Variants in SMIM36 observed in about 807,000 individuals in gnomAD.
SMIM36 encodes small integral membrane protein 36.
chr17:55,495,302 T>C (rs549684177), intron 1 of SMIM36, among the ~76,000 whole-genome samples: 1 of 152,178 alleles, frequency 6.6e-6, no homozygotes, highest in Non-Finnish European at 1.5e-5. Context: ...TTCACAAACT[T>C]GGGTAATTTA....
At chr17:55,531,037 G>A in the SMIM36 span, among the ~76,000 whole-genome samples, 4 of 151,880 alleles carry the variant, frequency 2.6e-5, no homozygotes, top group East Asian at 1.9e-4. Flanking sequence ...TAGATTTTGC[G>A]GACTTTCAGA....
intron 1 of SMIM36, among the ~76,000 whole-genome samples, chr17:55,502,965 A>G (rs1910019397): frequency 6.6e-6 from 1 of 151,420 alleles, no homozygotes; most frequent in South Asian, 2.1e-4. Context: ...ACTGGAAGAA[A>G]GGGTGTCAGC....
chr17:55,483,045 T>G (rs1356731307), intron 1 of SMIM36, among the ~76,000 whole-genome samples: 1 of 152,256 alleles, frequency 6.6e-6, no homozygotes, highest in East Asian at 1.9e-4. Context: ...GGCTGTCAAA[T>G]GGCAGGCCAA....
chr17:55,501,366 T>G (rs1444090805), intron 1 of SMIM36, among the ~76,000 whole-genome samples: 1 of 82,952 alleles, frequency 1.2e-5, no homozygotes, highest in Non-Finnish European at 2.0e-5. Context: ...TAATATATAA[T>G]ATATTATATA....
chr17:55,489,461 G>A (rs538356694), intron 1 of SMIM36, among the ~76,000 whole-genome samples: 91 of 152,210 alleles, frequency 6.0e-4, no homozygotes, highest in South Asian at 1.0e-3. Context: ...TCTTCAAACC[G>A]CATTATCTGT....
At chr17:55,503,468 C>G (rs2144720102) in intron 1 of SMIM36, among the ~76,000 whole-genome samples, 1 of 147,396 alleles carries the variant, frequency 6.8e-6, no homozygotes, top group East Asian at 2.0e-4. Context: ...CATATCCAGC[C>G]AAGCTAAGCT....
intron 4 of SMIM36, among the ~76,000 whole-genome samples, chr17:55,462,865 A>C (rs950631433): frequency 6.6e-6 from 1 of 152,098 alleles, no homozygotes; most frequent in Admixed American, 6.5e-5. Flanking sequence ...GGTCCTTTGA[A>C]GGCCAATTAC....
intron 1 of SMIM36, among the ~76,000 whole-genome samples, chr17:55,501,420 ATAATATAT>A (rs1909970932): frequency 8.5e-5 from 2 of 23,566 alleles, no homozygotes; most frequent in African/African-American, 3.5e-4. Flanking sequence ...ATTATAAAAT[ATAATATAT>A]TATTATATAT....
intron 4 of SMIM36, among the ~76,000 whole-genome samples, chr17:55,453,062 C>G (rs762462015): frequency 6.6e-6 from 1 of 152,162 alleles, no homozygotes; most frequent in African/African-American, 2.4e-5. Context: ...ATAATCCCAG[C>G]ACTTAGGGAG....
chr17:55,501,295 AAT>A (rs1161550125), intron 1 of SMIM36, among the ~76,000 whole-genome samples: 3 of 82,806 alleles, frequency 3.6e-5, no homozygotes, highest in African/African-American at 4.9e-5. Context: ...TATATTTTAT[AAT>A]ATATATTATG....
intron 4 of SMIM36, among the ~76,000 whole-genome samples, chr17:55,456,288 C>CAGAATG (rs1427589134): frequency 6.6e-6 from 1 of 150,838 alleles, no homozygotes; most frequent in Non-Finnish European, 1.5e-5. Flanking sequence ...TCCATAGTTC[C>CAGAATG]AGAATGAGGG....
intron 4 of SMIM36, among the ~76,000 whole-genome samples, chr17:55,450,534 C>A (rs757999643): frequency 6.6e-6 from 1 of 152,146 alleles, no homozygotes; most frequent in African/African-American, 2.4e-5. Flanking sequence ...ACTTAGTCTC[C>A]TTTGGTTTCA....
intron 4 of SMIM36, among the ~76,000 whole-genome samples, chr17:55,451,128 G>C (rs1245447100): frequency 6.6e-6 from 1 of 152,048 alleles, no homozygotes; most frequent in Non-Finnish European, 1.5e-5. Context: ...CTCATAATCC[G>C]CTCTCCTCAG....
chr17:55,486,486 T>C (rs544024520), intron 1 of SMIM36, among the ~76,000 whole-genome samples: 1 of 152,274 alleles, frequency 6.6e-6, no homozygotes, highest in East Asian at 1.9e-4. Context: ...CTTTAGGCCT[T>C]TCTAATTCCT....
At chr17:55,529,934 C>T in the SMIM36 span, among the ~76,000 whole-genome samples, 1 of 152,250 alleles carries the variant, frequency 6.6e-6, no homozygotes, top group Non-Finnish European at 1.5e-5. Flanking sequence ...AGTGCATCCT[C>T]AGCCATCTTG....
intron 1 of SMIM36, among the ~76,000 whole-genome samples, chr17:55,493,580 C>T (rs1233076361): frequency 6.6e-6 from 1 of 152,040 alleles, no homozygotes; most frequent in African/African-American, 2.4e-5. Context: ...GAAGCCAAGG[C>T]AGGAAGATTG....
chr17:55,466,306 A>G (rs985240284), intron 4 of SMIM36, among the ~76,000 whole-genome samples: 1 of 149,948 alleles, frequency 6.7e-6, no homozygotes, highest in African/African-American at 2.5e-5. Context: ...AAAAAAAGAA[A>G]GTGCCACACA....
chr17:55,489,308 G>A (rs1486722500), intron 1 of SMIM36, among the ~76,000 whole-genome samples: 1 of 152,014 alleles, frequency 6.6e-6, no homozygotes, highest in African/African-American at 2.4e-5. Flanking sequence ...AACCTGGGAG[G>A]TGGAGGTTGC....
chr17:55,494,668 T>A (rs1296330291), intron 1 of SMIM36, among the ~76,000 whole-genome samples: 1 of 152,150 alleles, frequency 6.6e-6, no homozygotes. Flanking sequence ...TATACTTTTG[T>A]ATATTTTGTT....
Sources: gnomAD v4.1 joint callset for allele counts (sites outside exome capture counted in the v4.1 genomes callset) on GRCh38, gnomAD v4.1.1 for gene constraint, MANE v1.5 for transcripts, NCBI Gene and HGNC (gene_info 2026-07-23, HGNC 2026-07-21) for gene names.